Variants in SLC26A3 observed in about 807,000 individuals in gnomAD.
SLC26A3 encodes chloride anion exchanger.
In SLC26A3, 64 loss-of-function variants were observed where a neutral mutation model predicts 85.6. That is an observed-to-expected ratio of 0.75 (90% CI 0.61 to 0.92). The LOEUF (loss-of-function observed/expected upper bound fraction) is 0.92, where lower values mean the gene tolerates loss of function less well. Ranked by LOEUF, SLC26A3 falls within the 40% of genes least tolerant of loss-of-function variation. The pLI, the probability that SLC26A3 is intolerant of heterozygous loss-of-function variation, is 0.00. For synonymous variants in SLC26A3, 349 were observed against 336.0 expected (o/e 1.04, Z -0.42); for missense variants, 922 against 927.3 (o/e 0.99, Z 0.07).
Position 107,772,508 on chromosome 7 carries a change from A to G in SLC26A3, c.2008-400T>C, listed in dbSNP as rs190331208. 6.6e-5 allele frequency among the ~76,000 whole-genome samples: 10 copies of G among 152,338 alleles called. No individual in the cohort carries two copies. The East Asian group carries it at 1.9e-3, about 29-fold the overall frequency. ...CATGAGTTGCTAATTATTTTTGTCCACAATGAATGGATGTATCTAGCACCA... is the reference window on the plus strand; with the variant it reads ...CATGAGTTGCTAATTATTTTTGTCCGCAATGAATGGATGTATCTAGCACCA... On this transcript the variant is annotated intron_variant, in intron 17 of 20. Transcript: ENST00000340010.
intron 12 of SLC26A3, among the ~76,000 whole-genome samples, chr7:107,778,487 C>G (rs1472364298): frequency 6.7e-6 from 1 of 149,374 alleles, no homozygotes; most frequent in African/African-American, 2.5e-5. Context: ...ACAGAAGACA[C>G]TTTTCCCAAG....
rs570444498 is a variant in SLC26A3, at chr7:107,772,156, C to T, written c.2008-48G>A. 3.5e-5 allele frequency: 38 copies of T among 1,079,448 alleles called. No homozygotes were observed. In the South Asian group the frequency reaches 3.8e-4, roughly 11 times the overall value. The allele number at this position is 1,079,448 out of a possible 1,614,324, so 66.9% of individuals were successfully genotyped here. Reference sequence around the variant, plus strand: ...TTCCTTAGGGAACAGTTTCACTTGTCAGAAATATAAAGAAAACAATCAGAA... The same window carrying T: ...TTCCTTAGGGAACAGTTTCACTTGTTAGAAATATAAAGAAAACAATCAGAA... On this transcript the variant is annotated intron_variant, in intron 17 of 20. Coordinates refer to ENST00000340010, the MANE Select transcript of SLC26A3 (RefSeq NM_000111.3).
At chr7:107,770,000 C>CTTTCTTTCTTTCTTTCTT (rs1306096940) in intron 18 of SLC26A3, among the ~76,000 whole-genome samples, 1 of 130,994 alleles carries the variant, frequency 7.6e-6, no homozygotes, top group East Asian at 2.2e-4. Flanking sequence ...TTCCTTTTTT[C>CTTTCTTTCTTTCTTTCTT]TCTTTCTTTC....
At chr7:107,785,800 T>C (rs1467215492) in intron 8 of SLC26A3, among the ~76,000 whole-genome samples, 1 of 152,100 alleles carries the variant, frequency 6.6e-6, no homozygotes, top group Non-Finnish European at 1.5e-5. Flanking sequence ...TTAAAAGAAT[T>C]TGGCTGTTTT....
intron 15 of SLC26A3, among the ~76,000 whole-genome samples, chr7:107,775,154 T>A (rs1794089528): frequency 6.6e-6 from 1 of 152,202 alleles, no homozygotes; most frequent in Non-Finnish European, 1.5e-5. Flanking sequence ...TCTATTTGAA[T>A]CTGTTTGTGT....
chr7:107,771,991 C>T lies in SLC26A3; in HGVS notation c.2062+63G>A, dbSNP rs2115804476. On this transcript the variant is annotated intron_variant, in intron 18 of 20. Coordinates refer to ENST00000340010, the MANE Select transcript of SLC26A3 (RefSeq NM_000111.3). ...TCATTCTTTGGAGAGGCTGTCTAGA[C>T]TGAGAGTTGGCAGTGAGCCTGAAGT... is the stretch of plus-strand genomic sequence containing the variant. 4 of 1,081,626 alleles carry T rather than the reference C, an allele frequency of 3.7e-6. No individual in the cohort carries two copies. The South Asian group carries it at 3.7e-5, about 10-fold the overall frequency. The allele number at this position is 1,081,626 out of a possible 1,614,324, so 67.0% of individuals were successfully genotyped here.
At chr7:107,769,729 GTT>G (rs760012334) in intron 18 of SLC26A3, among the ~76,000 whole-genome samples, 4 of 151,952 alleles carry the variant, frequency 2.6e-5, no homozygotes, top group Non-Finnish European at 4.4e-5. Context: ...GAACTTAAAA[GTT>G]TTTTTTAAAA....
chr7:107,787,073 G>A (rs533486179), intron 7 of SLC26A3, among the ~76,000 whole-genome samples, 164 bp from the exon 8 acceptor site: 74 of 152,296 alleles, frequency 4.9e-4, no homozygotes, highest in African/African-American at 1.7e-3. Context: ...CTAACATGCC[G>A]CCAGGATTGA....
At chr7:107,789,457 A>C in intron 6 of SLC26A3, 67 bp downstream of exon 6, 1 of 1,477,678 alleles carries the variant, frequency 6.8e-7, no homozygotes, top group Non-Finnish European at 9.4e-7. Context: ...ATTAAAGGAA[A>C]GCTCTCTAAA....
chr7:107,774,927 G>T, intron 15 of SLC26A3, 55 bp from the exon 16 acceptor site: 1 of 1,305,124 alleles, frequency 7.7e-7, no homozygotes. Flanking sequence ...TATTTATATA[G>T]CATAGTTCTA....
Position 107,787,435 on chromosome 7 carries a change from C to A in SLC26A3, c.810G>T (p.Leu270Phe). 4 of 1,613,820 alleles carry A rather than the reference C, an allele frequency of 2.5e-6. No homozygotes were observed. The highest frequency in any genetic ancestry group is 3.4e-6 in the Non-Finnish European group (4 of 1,179,814). Residue 270 changes from leucine (L) to phenylalanine (F), a missense_variant, in exon 7 of 21, where the codon TTG (leucine) becomes TTT (phenylalanine). Transcript: ENST00000340010. ...ADLVTALIVL[L>F]VVSIVKEINQ... ...TTATTTCTTTAACAATGGATACAAC[C>A]AAAAGGACAATCAGAGCTGTCACCA... is the stretch of plus-strand genomic sequence containing the variant.
chr7:107,799,909 A>G (rs763483510), intron 1 of SLC26A3, among the ~76,000 whole-genome samples: 1 of 152,214 alleles, frequency 6.6e-6, no homozygotes, highest in Non-Finnish European at 1.5e-5. Flanking sequence ...CAACTTTTCT[A>G]TGACTTTATG....
chr7:107,781,231 G>A (rs535328180), intron 11 of SLC26A3, among the ~76,000 whole-genome samples: 15 of 152,274 alleles, frequency 9.9e-5, no homozygotes, highest in African/African-American at 2.9e-4. Flanking sequence ...ATTAAATGAA[G>A]AGAAAACGCT....
intron 7 of SLC26A3, 94 bp from the exon 8 acceptor site, chr7:107,787,003 C>G (rs1794307468): frequency 3.8e-6 from 4 of 1,054,976 alleles, no homozygotes; most frequent in Non-Finnish European, 5.8e-6. Flanking sequence ...CACTTCTGTA[C>G]CTGTTAAGTA....
intron 18 of SLC26A3, among the ~76,000 whole-genome samples, chr7:107,770,924 C>G (rs182742433): frequency 6.6e-6 from 1 of 152,180 alleles, no homozygotes; most frequent in African/African-American, 2.4e-5. Flanking sequence ...CCTGGGGAAG[C>G]AAGGATGTTT....
chr7:107,783,414 T>G (rs1035343640), intron 8 of SLC26A3, 62 bp from the exon 9 acceptor site: 2 of 1,584,380 alleles, frequency 1.3e-6, no homozygotes, highest in Admixed American at 3.3e-5. Flanking sequence ...ATATAACCAT[T>G]GGGCAAATCA....
chr7:107,765,537 G>A lies in SLC26A3; in HGVS notation c.*318C>T, dbSNP rs1793897725. The A allele has an allele frequency of 1.5e-5, 4 of 267,136 alleles. No homozygotes were observed. The South Asian group carries it at 2.8e-4, about 18-fold the overall frequency. The allele number at this position is 267,136 out of a possible 1,614,324, so 16.5% of individuals were successfully genotyped here. ...TGTATAAATTATGAGATTCAAAACA[G>A]TGGCGCCACTATACTGCTAAACCTA... is the stretch of plus-strand genomic sequence containing the variant. On this transcript the variant is annotated 3_prime_UTR_variant, in exon 21 of 21. Transcript: ENST00000340010.
intron 11 of SLC26A3, among the ~76,000 whole-genome samples, chr7:107,781,306 A>T (rs1794212187): frequency 6.6e-6 from 1 of 152,188 alleles, no homozygotes; most frequent in South Asian, 2.1e-4. Context: ...ATTATGGGTT[A>T]TTTTGCCTTC....
At chr7:107,792,581 A>G (rs957515795) in intron 3 of SLC26A3, among the ~76,000 whole-genome samples, 7 of 152,142 alleles carry the variant, frequency 4.6e-5, no homozygotes, top group African/African-American at 1.4e-4. Flanking sequence ...AAAGAGAGCA[A>G]TAAGGAGCGG....
Sources: allele counts gnomAD v4.1 joint callset (sites outside exome capture counted in the v4.1 genomes callset), GRCh38; gene constraint gnomAD v4.1.1; transcripts MANE v1.5; gene names NCBI Gene and HGNC (gene_info 2026-07-23, HGNC 2026-07-21).